The following ZNF18 variants were observed in gnomAD, a reference collection of about 807,000 sequenced individuals.
ZNF18 encodes the protein zinc finger protein 18, also known as heart development-specific gene 1 protein.
Under a neutral mutation model 58.1 loss-of-function variants are expected in ZNF18, and 42 were observed. The ratio of observed to expected loss-of-function variants is 0.72; its 90% CI spans 0.56 to 0.93. The LOEUF (loss-of-function observed/expected upper bound fraction) is 0.93. Ranked by LOEUF, ZNF18 falls within the 40% of genes least tolerant of loss-of-function variation. The pLI, the probability that ZNF18 is intolerant of heterozygous loss-of-function variation, is 0.00. For missense variants in ZNF18, 540 were observed against 644.2 expected, an observed-to-expected ratio of 0.84 and a Z score of 1.75; for synonymous variants, 231 against 239.8, an observed-to-expected ratio of 0.96 and a Z score of 0.34.
chr17:11,978,841 T>TTTC, intron 6 of ZNF18, 97 bp from the exon 7 acceptor site: 1 of 208,370 alleles, frequency 4.8e-6, no homozygotes, highest in East Asian at 1.2e-4. Flanking sequence ...ATTCATTTTC[T>TTTC]TTTTTTTTTT....
At chr17:12,020,875 T>A in the ZNF18 span, 69 of 1,175,376 alleles carry the variant, frequency 5.9e-5, no homozygotes, top group African/African-American at 1.0e-3. Flanking sequence ...GCTCGGCTCT[T>A]CACTCCCAAC....
chr17:12,011,190 C>T, the ZNF18 span: 6 of 559,058 alleles, frequency 1.1e-5, no homozygotes, highest in Non-Finnish European at 1.6e-5. Context: ...GAACATATAT[C>T]GGGTGCCTCT....
chr17:11,981,317 T>C (rs1206809767), intron 6 of ZNF18, among the ~76,000 whole-genome samples: 1 of 143,102 alleles, frequency 7.0e-6, no homozygotes, highest in Non-Finnish European at 1.5e-5. Flanking sequence ...CCACATATCC[T>C]CTTTTTTTTT....
At chr17:12,005,144 A>C in the ZNF18 span, among the ~76,000 whole-genome samples, 1 of 150,444 alleles carries the variant, frequency 6.6e-6, no homozygotes, top group Non-Finnish European at 1.5e-5. Context: ...ATGGACTCAG[A>C]AGTTATATAT....
At chr17:12,000,189 G>T (rs545660424), upstream of ZNF18, among the ~76,000 whole-genome samples, 66 of 152,196 alleles carry the variant, frequency 4.3e-4, 1 homozygote, top group Non-Finnish European at 4.4e-5. Context: ...CCAAAGTGCT[G>T]GAATTACAGG....
the ZNF18 span, among the ~76,000 whole-genome samples, chr17:12,018,012 A>G: frequency 6.6e-6 from 1 of 152,248 alleles, no homozygotes; most frequent in African/African-American, 2.4e-5. Flanking sequence ...AGCCTCTTTC[A>G]GGATGGGGGA....
At position 11,994,400 on chromosome 17, in the gene ZNF18, C is replaced by G. The variant is rs376397857; in HGVS notation, c.-82-1489G>C. Among the ~76,000 whole-genome samples the G allele has an allele frequency of 4.6e-5, 7 of 152,298 alleles. No individual in the cohort carries two copies. In the South Asian group the frequency reaches 1.0e-3, roughly 23 times the overall value. On this transcript the variant is annotated intron_variant, in intron 1 of 6. Coordinates refer to ENST00000580306, the MANE Select transcript of ZNF18 (RefSeq NM_001303281.2). ...GCAGGAGATAGGGGCGCCAACCCCC[C>G]ACACAGTAGAAAATCCATATATAAC...
the ZNF18 span, among the ~76,000 whole-genome samples, chr17:12,005,649 A>AC: frequency 6.6e-6 from 1 of 152,164 alleles, no homozygotes; most frequent in Non-Finnish European, 1.5e-5. Flanking sequence ...TGAATTTAGA[A>AC]CCCGACTTTA....
rs1022925990 is a variant in ZNF18 at position 11,992,432 on chromosome 17, C to A, written c.387+11G>T. The A allele has an allele frequency of 2.5e-6, 4 of 1,610,892 alleles. No individual in the cohort carries two copies. Among genetic ancestry groups the A allele is most frequent in the African/African-American group, 1.3e-5 (1 of 74,856 alleles). ...GTGTTTCACTCGCAGATCATAATACCCTCTGCTTACCCATTGCCACAGTCT... is the reference window on the plus strand; with the variant it reads ...GTGTTTCACTCGCAGATCATAATACACTCTGCTTACCCATTGCCACAGTCT... On this transcript the variant is annotated intron_variant, in intron 2 of 6. Transcript: ENST00000580306.
chr17:12,018,538 T>C, the ZNF18 span, among the ~76,000 whole-genome samples: 1 of 152,210 alleles, frequency 6.6e-6, no homozygotes, highest in African/African-American at 2.4e-5. Context: ...TTAAAGACCC[T>C]ATTTCCAAAT....
At chr17:11,996,476 G>T (rs974266318) in intron 1 of ZNF18, among the ~76,000 whole-genome samples, 6 of 152,000 alleles carry the variant, frequency 3.9e-5, no homozygotes, top group African/African-American at 1.5e-4. Context: ...TCTTTTGTTA[G>T]TAATATTATA....
At chr17:12,009,639 G>C in the ZNF18 span, among the ~76,000 whole-genome samples, 1 of 151,862 alleles carries the variant, frequency 6.6e-6, no homozygotes, top group Non-Finnish European at 1.5e-5. Flanking sequence ...TCTTGGTAGA[G>C]ACAAGGTTTC....
Position 11,990,408 on chromosome 17 carries a change from G to A in ZNF18, c.666+54C>T. 5 of 1,463,142 alleles carry A rather than the reference G, an allele frequency of 3.4e-6. No homozygotes were observed. The South Asian group carries it at 6.1e-5, about 18-fold the overall frequency. 90.6% of individuals were successfully genotyped at this position (1,463,142 alleles called of 1,614,324 possible). A position where few individuals can be genotyped will look rare whatever the true frequency, so the allele number is the denominator to read the frequency against. On this transcript the variant is annotated intron_variant, in intron 4 of 6. Coordinates refer to ENST00000580306, the MANE Select transcript of ZNF18 (RefSeq NM_001303281.2). ...ATGGGGTGAAGAGAAGCAGGAGGAT[G>A]AGATTATAAAAGGTAAAAAGTTTCC...
At chr17:11,991,201 C>A (rs759734379) in intron 2 of ZNF18, 38 bp from the exon 3 acceptor site, 1 of 1,553,726 alleles carries the variant, frequency 6.4e-7, no homozygotes, top group Non-Finnish European at 8.8e-7. Flanking sequence ...ACTGAAGAAT[C>A]CAGAGTAAGG....
At chr17:12,008,697 G>A in the ZNF18 span, among the ~76,000 whole-genome samples, 42 of 152,290 alleles carry the variant, frequency 2.8e-4, no homozygotes, top group Middle Eastern at 6.8e-3. Context: ...CCTAGAAGCT[G>A]ACTACTGAAG....
In ZNF18 at chr17:11,992,594, T is replaced by G; in HGVS notation, c.236A>C (p.Gln79Pro). The change falls in exon 2 of 7, where the codon CAG (glutamine) becomes CCG (proline). Residue 79 changes from glutamine to proline, a missense_variant. Transcript: ENST00000580306. ...WLQPEVHTKE[Q>P]ILEILMLEQF... The stretch of plus-strand genomic sequence containing the variant: ...CTCCAACATGAGGATCTCTAGGATC[T>G]GCTCTTTGGTGTGAACCTCTGGCTG... The G allele has an allele frequency of 6.2e-7, 1 of 1,614,246 alleles. No homozygotes were observed. Among genetic ancestry groups the G allele is most frequent in the Non-Finnish European group, 8.5e-7 (1 of 1,180,048 alleles).
the ZNF18 span, among the ~76,000 whole-genome samples, chr17:12,008,401 C>T: frequency 1.3e-4 from 20 of 152,222 alleles, no homozygotes; most frequent in East Asian, 2.5e-3. Context: ...GGTCTAGCTA[C>T]GTTGCCCAGG....
At chr17:12,009,225 G>C in the ZNF18 span, 16 of 152,024 alleles carry the variant, frequency 1.1e-4, no homozygotes, top group Admixed American at 1.0e-3. Context: ...GGAGACATGG[G>C]TTGGTGTAGA....
At chr17:11,985,735 G>A (rs960785342) in intron 4 of ZNF18, among the ~76,000 whole-genome samples, 2 of 152,154 alleles carry the variant, frequency 1.3e-5, no homozygotes, top group Non-Finnish European at 2.9e-5. Context: ...TTACCAGGGT[G>A]AAATAAAGCC....
Sources: allele counts gnomAD v4.1 joint callset (sites outside exome capture counted in the v4.1 genomes callset), GRCh38; gene constraint gnomAD v4.1.1; transcripts MANE v1.5; gene names NCBI Gene and HGNC (gene_info 2026-07-23, HGNC 2026-07-21).